The following SSX2IP variants were observed in gnomAD, a reference collection of about 807,000 sequenced individuals.
SSX2IP encodes SSX family member 2 interacting protein, also known as afadin- and alpha-actinin-binding protein.
In SSX2IP, 55 loss-of-function variants were observed where a neutral mutation model predicts 84.9. The observed-to-expected ratio is 0.65, with a 90% confidence interval of 0.52 to 0.81. SSX2IP has a LOEUF of 0.81. Among genes scored for constraint, SSX2IP ranks in the 30% least tolerant of loss-of-function variants. The probability of loss-of-function intolerance (pLI) is 0.00; values close to 1 mark genes in which losing one functional copy is unlikely to be tolerated. For missense variants in SSX2IP, 664 were observed against 705.2 expected, an observed-to-expected ratio of 0.94 and a Z score of 0.66; for synonymous variants, 239 against 234.7, an observed-to-expected ratio of 1.02 and a Z score of -0.17.
intron 8 of SSX2IP, among the ~76,000 whole-genome samples, chr1:84,661,992 G>A (rs1000384111): frequency 2.0e-5 from 3 of 152,054 alleles, no homozygotes; most frequent in Non-Finnish European, 2.9e-5. Context: ...TTAATTCCCC[G>A]GAAAATCATC....
At position 84,647,648 on chromosome 1, in the gene SSX2IP, CCTT is replaced by C. The variant is rs769793288; in HGVS notation, c.1671-44_1671-42del. 7.0e-6 allele frequency: 10 copies of C among 1,434,422 alleles called. No individual in the cohort carries two copies. The East Asian group carries it at 1.8e-4, about 26-fold the overall frequency. The allele number at this position is 1,434,422 out of a possible 1,614,324, so 88.9% of individuals were successfully genotyped here. A position where few individuals can be genotyped will look rare whatever the true frequency, so the allele number is the denominator to read the frequency against. On this transcript the variant is annotated intron_variant, in intron 13 of 13. Coordinates refer to ENST00000342203, the MANE Select transcript of SSX2IP (RefSeq NM_001166293.2). The stretch of plus-strand genomic sequence containing the variant: ...AGGCAGATCTTAGTGACTATCCTCT[CCTT>C]CTTTTGTACTTTAACCTCATAATGT...
At position 84,645,392 on chromosome 1, in the gene SSX2IP, G is replaced by C. The variant is rs1049386996; in HGVS notation, c.*2041C>G. Reference sequence around the variant, plus strand: ...TATGCAGACATTGAAGGTGCAATGAGTCTGGCTTTTACTCTGCTGTTTCTT... The same window carrying C: ...TATGCAGACATTGAAGGTGCAATGACTCTGGCTTTTACTCTGCTGTTTCTT... On this transcript the variant is annotated 3_prime_UTR_variant, in exon 14 of 14. Coordinates refer to ENST00000342203, the MANE Select transcript of SSX2IP (RefSeq NM_001166293.2). 1 of 152,164 alleles carries C rather than the reference G, an allele frequency of 6.6e-6. No individual in the cohort carries two copies. The highest frequency in any genetic ancestry group is 2.4e-5 in the African/African-American group (1 of 41,436). The allele number at this position is 152,164 out of a possible 1,614,324, so 9.4% of individuals were successfully genotyped here.
chr1:84,678,683 A>T (rs1176885633), intron 1 of SSX2IP, among the ~76,000 whole-genome samples: 3 of 152,364 alleles, frequency 2.0e-5, no homozygotes, highest in Middle Eastern at 3.4e-3. Flanking sequence ...AAGAAGAGTC[A>T]ATCCTTTACA....
chr1:84,648,509 GTACTAAA>G (rs1649768711), intron 13 of SSX2IP, among the ~76,000 whole-genome samples: 1 of 152,026 alleles, frequency 6.6e-6, no homozygotes, highest in African/African-American at 2.4e-5. Context: ...TATGATTTAG[GTACTAAA>G]TGCTGAACTT....
rs1207974171 is a variant in SSX2IP at position 84,652,706 on chromosome 1, G to C, written c.1390-709C>G. ...GATCGCACCCCTGCACTCCTGCCTGGGCAACAAAGCAAGGCTCCATCTCAA... is the reference window on the plus strand; with the variant it reads ...GATCGCACCCCTGCACTCCTGCCTGCGCAACAAAGCAAGGCTCCATCTCAA... On this transcript the variant is annotated intron_variant, in intron 11 of 13. Coordinates refer to ENST00000342203, the MANE Select transcript of SSX2IP (RefSeq NM_001166293.2). 4.0e-5 allele frequency among the ~76,000 whole-genome samples: 6 copies of C among 150,932 alleles called. No individual in the cohort carries two copies. In the South Asian group the frequency reaches 1.3e-3, roughly 32 times the overall value.
chr1:84,684,678 A>C (rs1655545513), intron 1 of SSX2IP, among the ~76,000 whole-genome samples: 1 of 152,220 alleles, frequency 6.6e-6, no homozygotes, highest in Non-Finnish European at 1.5e-5. Context: ...AGCATTCTTC[A>C]CAATAGCGAG....
intron 1 of SSX2IP, among the ~76,000 whole-genome samples, chr1:84,687,942 C>G (rs559282812): frequency 1.2e-4 from 18 of 152,174 alleles, no homozygotes; most frequent in Non-Finnish European, 1.6e-4. Flanking sequence ...TGAAATTCTC[C>G]TTCTTTTTGA....
chr1:84,683,384 C>T (rs1655355125), intron 1 of SSX2IP, among the ~76,000 whole-genome samples: 1 of 152,114 alleles, frequency 6.6e-6, no homozygotes, highest in South Asian at 2.1e-4. Context: ...GGGAACTACA[C>T]AAAAGCAGAC....
chr1:84,676,016 T>C (rs1444086392), intron 1 of SSX2IP, among the ~76,000 whole-genome samples: 1 of 152,242 alleles, frequency 6.6e-6, no homozygotes, highest in East Asian at 1.9e-4. Context: ...ACACATGTCG[T>C]CAGGTCCTCC....
intron 1 of SSX2IP, among the ~76,000 whole-genome samples, chr1:84,673,680 A>T (rs963986300): frequency 5.9e-5 from 9 of 152,220 alleles, no homozygotes; most frequent in Non-Finnish European, 1.3e-4. Flanking sequence ...GTGGAAGCAG[A>T]AACAGGCAGA....
At position 84,670,755 on chromosome 1, in the gene SSX2IP, G is replaced by A. The variant is rs1343001061; in HGVS notation, c.104C>T (p.Ser35Leu). The A allele has an allele frequency of 3.2e-5, 52 of 1,612,976 alleles. No individual in the cohort carries two copies. Among genetic ancestry groups the A allele is most frequent in the Non-Finnish European group, 4.3e-5 (51 of 1,179,412 alleles). The change falls in exon 3 of 14, where the codon TCA (serine) becomes TTA (leucine). Residue 35 changes from serine (S) to leucine (L), a missense_variant. Physicochemically the swap from Ser to Leu is moderately radical, Grantham distance 145 (BLOSUM62 -2). Transcript: ENST00000342203. Reference protein sequence around the residue: ...ETKMSPSSLYSQQVLCSSIPL... With the variant: ...ETKMSPSSLYLQQVLCSSIPL... ...TATTGAAGAACATAGCACTTGCTGT[G>A]AGTATAAACTTGATGGAGACATCTT...
intron 11 of SSX2IP, 111 bp from the exon 12 acceptor site, chr1:84,652,108 C>A: frequency 1.3e-6 from 1 of 742,812 alleles, no homozygotes; most frequent in South Asian, 1.7e-5. Context: ...TCTATTCGTA[C>A]TTCTTATGTC....
chr1:84,685,866 A>G (rs1655711536), intron 1 of SSX2IP, among the ~76,000 whole-genome samples: 1 of 152,230 alleles, frequency 6.6e-6, no homozygotes, highest in Non-Finnish European at 1.5e-5. Flanking sequence ...AAGGCTATAG[A>G]ATAGAGAATA....
chr1:84,682,923 G>T (rs183339954), intron 1 of SSX2IP, among the ~76,000 whole-genome samples: 93 of 152,178 alleles, frequency 6.1e-4, no homozygotes, highest in Middle Eastern at 6.8e-3. Flanking sequence ...CAATTACTTG[G>T]AACAATTCTA....
chr1:84,664,551 A>C lies in SSX2IP; in HGVS notation c.539T>G (p.Val180Gly). The stretch of plus-strand genomic sequence containing the variant: ...TGCAATGATATTTTGTAATTTTTGC[A>C]CCTGAAAAAGGCATTTGCTATTATA... ...HQLLKNEKDEVQKLQNIIASR... is the reference protein window; with the variant it reads ...HQLLKNEKDEGQKLQNIIASR... The change falls in exon 6 of 14, where the codon GTG becomes GGG. Residue 180 changes from valine to glycine, a missense_variant and splice_region_variant. Coordinates refer to ENST00000342203, the MANE Select transcript of SSX2IP (RefSeq NM_001166293.2). 6.4e-7 allele frequency: 1 copy of C among 1,570,016 alleles called. No homozygotes were observed. The highest frequency in any genetic ancestry group is 8.6e-7 in the Non-Finnish European group (1 of 1,164,420).
chr1:84,655,313 T>A, intron 11 of SSX2IP: 1 of 1,076,166 alleles, frequency 9.3e-7, no homozygotes, highest in Non-Finnish European at 1.1e-6. Context: ...TGTTGATTTT[T>A]TTTTTTTAAC....
intron 12 of SSX2IP, 97 bp from the exon 13 acceptor site, chr1:84,650,624 G>C (rs1650089150): frequency 7.7e-7 from 1 of 1,299,288 alleles, no homozygotes; most frequent in East Asian, 2.3e-5. Context: ...GCGGTTCTGA[G>C]TGAGGAAAGA....
At chr1:84,653,009 G>C (rs1481148853) in intron 11 of SSX2IP, among the ~76,000 whole-genome samples, 5 of 151,964 alleles carry the variant, frequency 3.3e-5, no homozygotes, top group African/African-American at 1.2e-4. Context: ...TCTAGCCTGG[G>C]CAACAGAGTG....
chr1:84,682,809 A>T (rs941625806), intron 1 of SSX2IP, among the ~76,000 whole-genome samples: 12 of 152,110 alleles, frequency 7.9e-5, no homozygotes, highest in Non-Finnish European at 1.0e-4. Flanking sequence ...CCTTTTCTTC[A>T]CATTTTTATA....
Sources: gnomAD v4.1 joint callset for allele counts (sites outside exome capture counted in the v4.1 genomes callset) on GRCh38, gnomAD v4.1.1 for gene constraint, MANE v1.5 for transcripts, NCBI Gene and HGNC (gene_info 2026-07-23, HGNC 2026-07-21) for gene names.